The following GATA6 variants were observed in gnomAD, a reference collection of about 807,000 sequenced individuals.
GATA6 encodes GATA binding protein 6, also known as transcription factor GATA-6.
GATA6 carries 11 observed loss-of-function variants against 48.1 expected under a neutral mutation model. That is an observed-to-expected ratio of 0.23 (90% confidence interval 0.14 to 0.38). The LOEUF (loss-of-function observed/expected upper bound fraction) is 0.38, where lower values mean the gene tolerates loss of function less well. Ranked by LOEUF, GATA6 falls within the 10% of genes least tolerant of loss-of-function variation. GATA6 has a pLI of 1.00. For synonymous variants in GATA6, 419 were observed against 396.1 expected, an observed-to-expected ratio of 1.06 and a Z score of -0.69; for missense variants, 795 against 850.3, an observed-to-expected ratio of 0.93 and a Z score of 0.81.
chr18:22,196,063 G>T (rs937264222), intron 6 of GATA6, among the ~76,000 whole-genome samples: 1 of 152,134 alleles, frequency 6.6e-6, no homozygotes, highest in Non-Finnish European at 1.5e-5. Context: ...ATTTAGCTCC[G>T]CCAGCCATGA....
chr18:22,175,562 A>G (rs906778990), intron 2 of GATA6: 2 of 152,226 alleles, frequency 1.3e-5, no homozygotes, highest in Non-Finnish European at 2.9e-5. Context: ...AACCTTTGTG[A>G]TGTGTTGTAA....
In GATA6 at chr18:22,200,649, C is replaced by T. The variant is rs2033449127; in HGVS notation, c.1621-7C>T. 1.2e-6 allele frequency: 2 copies of T among 1,614,276 alleles called. No homozygotes were observed. Among genetic ancestry groups the T allele is most frequent in the East Asian group, 2.2e-5 (1 of 44,882 alleles). ...CGTCTCTCCTCTGTGTCCCCCTCTT[C>T]TGCCAGGCGGGTGCCCCGGTGATGA... On this transcript the variant is annotated splice_polypyrimidine_tract_variant and splice_region_variant and intron_variant, in intron 6 of 6. Transcript: ENST00000269216.
chr18:22,191,494 C>T (rs1201042846), intron 6 of GATA6, among the ~76,000 whole-genome samples: 2 of 151,972 alleles, frequency 1.3e-5, no homozygotes, highest in East Asian at 1.9e-4. Flanking sequence ...AATGAATCTT[C>T]GAAGAAAACG....
At position 22,172,343 on chromosome 18, in the gene GATA6, A is replaced by G. The variant is rs2033067346; in HGVS notation, c.1135+64A>G. Reference sequence around the variant, plus strand: ...GCGCTGGGGCGCACGGGGGACGTGGAGCAGCTGCTCCACTCGGGCCCTGTT... The same window carrying G: ...GCGCTGGGGCGCACGGGGGACGTGGGGCAGCTGCTCCACTCGGGCCCTGTT... On this transcript the variant is annotated intron_variant, in intron 2 of 6. Transcript: ENST00000269216. The surrounding 1 kb of genome is among the most constrained non-coding windows in gnomAD (Gnocchi z 5.2). The G allele has an allele frequency of 6.6e-7, 1 of 1,506,376 alleles. No individual in the cohort carries two copies. The highest frequency in any genetic ancestry group is 8.9e-7 in the Non-Finnish European group (1 of 1,128,224). The allele number at this position is 1,506,376 out of a possible 1,614,324, so 93.3% of individuals were successfully genotyped here. A position where few individuals can be genotyped will look rare whatever the true frequency, so the allele number is the denominator to read the frequency against.
chr18:22,181,433 T>C lies in GATA6; in HGVS notation c.1303-20T>C, dbSNP rs2033194542. ...TATGTCACTTATATTTTTCCACTTA[T>C]GTTCTTGTACTGTTTCTAGCCTTCA... On this transcript the variant is annotated intron_variant, in intron 3 of 6. Coordinates refer to ENST00000269216, the MANE Select transcript of GATA6 (RefSeq NM_005257.6). 3 of 1,613,892 alleles carry C rather than the reference T, an allele frequency of 1.9e-6. No individual in the cohort carries two copies. Among genetic ancestry groups the C allele is most frequent in the African/African-American group, 1.3e-5 (1 of 74,932 alleles).
chr18:22,198,624 C>T (rs572104163), intron 6 of GATA6, among the ~76,000 whole-genome samples: 301 of 152,324 alleles, frequency 2.0e-3, no homozygotes, highest in Non-Finnish European at 3.6e-3. Context: ...CTAATAGTTC[C>T]TTTCTAAATA....
chr18:22,182,932 T>C lies in GATA6; in HGVS notation c.1517-8T>C. On this transcript the variant is annotated splice_region_variant and splice_polypyrimidine_tract_variant and intron_variant, in intron 5 of 6. Coordinates refer to ENST00000269216, the MANE Select transcript of GATA6 (RefSeq NM_005257.6). ...GTATATTTATAAGGTTTATTTTGAC[T>C]GTTGCAGGTAATAGCAATAATTCCA... 1 of 1,611,122 alleles carries C rather than the reference T, an allele frequency of 6.2e-7. No homozygotes were observed. Among genetic ancestry groups the C allele is most frequent in the Non-Finnish European group, 8.5e-7 (1 of 1,177,194 alleles).
chr18:22,177,187 C>T lies in GATA6; in HGVS notation c.1302+66C>T, dbSNP rs1255262304. 2.8e-5 allele frequency: 40 copies of T among 1,431,166 alleles called. No homozygotes were observed. In the South Asian group the frequency reaches 4.3e-4, roughly 15 times the overall value. The allele number at this position is 1,431,166 out of a possible 1,614,324, so 88.7% of individuals were successfully genotyped here. A position where few individuals can be genotyped will look rare whatever the true frequency, so the allele number is the denominator to read the frequency against. On this transcript the variant is annotated intron_variant, in intron 3 of 6. Coordinates refer to ENST00000269216, the MANE Select transcript of GATA6 (RefSeq NM_005257.6). ...CGGGCTCTCCTGGCCCGGCCGGCCCCGCCCTGGCTCGGCCTGCCTTGGGCG... is the reference window on the plus strand; with the variant it reads ...CGGGCTCTCCTGGCCCGGCCGGCCCTGCCCTGGCTCGGCCTGCCTTGGGCG...
At position 22,171,854 on chromosome 18, in the gene GATA6, G is replaced by A; in HGVS notation, c.710G>A (p.Ser237Asn). The change falls in exon 2 of 7, where the codon AGC (serine) becomes AAC (asparagine). Residue 237 changes from serine to asparagine, a missense_variant. Coordinates refer to ENST00000269216, the MANE Select transcript of GATA6 (RefSeq NM_005257.6). This position sits in a 1 kb window ranked among gnomAD's most constrained non-coding sequence, Gnocchi z 7.1. ...QASADSPPYG[S>N]GGGAAGGGAA... is the part of the protein sequence containing the mutation. ...TCGGCCGACAGCCCTCCATACGGCA[G>A]CGGAGGCGGCGCGGCTGGCGGCGGG... 1.7e-6 allele frequency: 2 copies of A among 1,187,070 alleles called. No individual in the cohort carries two copies. The highest frequency in any genetic ancestry group is 2.1e-6 in the Non-Finnish European group (2 of 959,948). 73.5% of individuals were successfully genotyped at this position (1,187,070 alleles called of 1,614,324 possible). A position where few individuals can be genotyped will look rare whatever the true frequency, so the allele number is the denominator to read the frequency against.
Position 22,172,386 on chromosome 18 carries a change from C to G in GATA6, c.1135+107C>G, listed in dbSNP as rs2033068222. 1 of 1,457,292 alleles carries G rather than the reference C, an allele frequency of 6.9e-7. No homozygotes were observed. Among genetic ancestry groups the G allele is most frequent in the South Asian group, 1.4e-5 (1 of 73,090 alleles). 90.3% of individuals were successfully genotyped at this position (1,457,292 alleles called of 1,614,324 possible). A position where few individuals can be genotyped will look rare whatever the true frequency, so the allele number is the denominator to read the frequency against. On this transcript the variant is annotated intron_variant, in intron 2 of 6. Coordinates refer to ENST00000269216, the MANE Select transcript of GATA6 (RefSeq NM_005257.6). The surrounding 1 kb of genome is among the most constrained non-coding windows in gnomAD (Gnocchi z 5.2). ...GCCCTGTTTTCAGGACTTTCTCGTCCGGGTGCGCGGAGGTCGGCCTGGTCC... is the reference window on the plus strand; with the variant it reads ...GCCCTGTTTTCAGGACTTTCTCGTCGGGGTGCGCGGAGGTCGGCCTGGTCC...
chr18:22,195,428 A>G (rs2033378428), intron 6 of GATA6, among the ~76,000 whole-genome samples: 1 of 152,012 alleles, frequency 6.6e-6, no homozygotes, highest in Non-Finnish European at 1.5e-5. Flanking sequence ...TGTTTCTGGT[A>G]CTCATGTCTT....
chr18:22,175,510 GATTACCGTAGTCA>G (rs1373995628), intron 2 of GATA6: 1 of 152,214 alleles, frequency 6.6e-6, no homozygotes, highest in Non-Finnish European at 1.5e-5. Context: ...GCATTTTACT[GATTACCGTAGTCA>G]ATAGTGGCTT....
At chr18:22,169,889 G>C (rs1246007596) in intron 1 of GATA6, among the ~76,000 whole-genome samples, 2 of 152,188 alleles carry the variant, frequency 1.3e-5, no homozygotes, top group Non-Finnish European at 2.9e-5. Flanking sequence ...TTCTCTCCTC[G>C]AAGCGCTTAT....
intron 6 of GATA6, among the ~76,000 whole-genome samples, chr18:22,200,445 G>A (rs1425816237): frequency 6.6e-6 from 1 of 152,190 alleles, no homozygotes; most frequent in Non-Finnish European, 1.5e-5. Flanking sequence ...GGTCAGGTCA[G>A]TGGCACTGTG....
At position 22,185,771 on chromosome 18, in the gene GATA6, G is replaced by A. The variant is rs146864593; in HGVS notation, c.1620+2728G>A. Among the ~76,000 whole-genome samples the A allele has an allele frequency of 2.6e-5, 4 of 152,274 alleles. No individual in the cohort carries two copies. The East Asian group carries it at 5.8e-4, about 22-fold the overall frequency. On this transcript the variant is annotated intron_variant, in intron 6 of 6. Coordinates refer to ENST00000269216, the MANE Select transcript of GATA6 (RefSeq NM_005257.6). This position sits in a 1 kb window ranked among gnomAD's most constrained non-coding sequence, Gnocchi z 4.3. ...GTGGTGTCCCCAGGTTGTTTTCATG[G>A]CGTGCCTGCGTATAACTGTGGATCC...
At chr18:22,200,200 T>C (rs548304091) in intron 6 of GATA6, among the ~76,000 whole-genome samples, 2,533 of 147,872 alleles carry the variant, frequency 0.017, 35 homozygotes, top group Non-Finnish European at 0.02. Flanking sequence ...TGTGTGTGTG[T>C]GCGCGCGCAC....
intron 6 of GATA6, among the ~76,000 whole-genome samples, chr18:22,189,452 C>G (rs1202909837): frequency 2.6e-5 from 4 of 152,148 alleles, no homozygotes. Flanking sequence ...AGCAGATTTA[C>G]ACTCCACTGT....
chr18:22,173,980 A>AT (rs1288312358), intron 2 of GATA6, among the ~76,000 whole-genome samples: 2 of 152,056 alleles, frequency 1.3e-5, no homozygotes, highest in African/African-American at 4.8e-5. Flanking sequence ...CCTGGAGACC[A>AT]TTTTTCCCCT....
At chr18:22,188,292 G>C (rs922796719) in intron 6 of GATA6, among the ~76,000 whole-genome samples, 2 of 152,212 alleles carry the variant, frequency 1.3e-5, no homozygotes, top group African/African-American at 4.8e-5. Flanking sequence ...TGGTAGGGGT[G>C]GGTAGAGAGA....
Sources: gnomAD v4.1 joint callset for allele counts (sites outside exome capture counted in the v4.1 genomes callset) on GRCh38, gnomAD v4.1.1 for gene constraint, Gnocchi (gnomAD v3.1) non-coding constraint, MANE v1.5 for transcripts, NCBI Gene and HGNC (gene_info 2026-07-23, HGNC 2026-07-21) for gene names.